The following TMEM63B variants were observed in gnomAD, a reference collection of about 807,000 sequenced individuals.
TMEM63B encodes the protein mechanosensitive cation channel TMEM63B.
A neutral mutation model predicts 102.6 loss-of-function variants in TMEM63B; 23 were observed. That is an observed-to-expected ratio of 0.22 (90% CI 0.16 to 0.32). TMEM63B has a LOEUF of 0.32. TMEM63B is among the 10% of genes least tolerant of loss of function. The probability of loss-of-function intolerance (pLI) is 1.00; values close to 1 mark genes in which losing one functional copy is unlikely to be tolerated. For missense variants in TMEM63B, 628 were observed against 1,095.9 expected (o/e 0.57, Z 6.03); for synonymous variants, 444 against 437.0 (o/e 1.02, Z -0.20).
intron 1 of TMEM63B, among the ~76,000 whole-genome samples, chr6:44,130,748 GC>G (rs1430372097): frequency 1.0e-5 from 1 of 95,764 alleles, no homozygotes; most frequent in Admixed American, 1.2e-4. Context: ...ACCATGCCTG[GC>G]TTTTTTTTTT....
At position 44,150,639 on chromosome 6, in the gene TMEM63B, T is replaced by TG; in HGVS notation, c.1673+14dup. 5.6e-6 allele frequency: 9 copies of TG among 1,613,896 alleles called. No homozygotes were observed. The highest frequency in any genetic ancestry group is 6.8e-6 in the Non-Finnish European group (8 of 1,179,862). ...CAGCTATTCGGTTTGAGTGAGTGAC[T>TG]GGGGCCCCTAGGGAAAGAGACCAGA... is the stretch of plus-strand genomic sequence containing the variant. On this transcript the variant is annotated intron_variant, in intron 18 of 23. Coordinates refer to ENST00000323267, the MANE Select transcript of TMEM63B (RefSeq NM_018426.3). This position sits in a 1 kb window ranked among gnomAD's most constrained non-coding sequence, Gnocchi z 4.7.
In TMEM63B at chr6:44,154,046, A is replaced by G. The variant is rs768747189; in HGVS notation, c.2111-27A>G. The G allele has an allele frequency of 3.1e-6, 5 of 1,606,418 alleles. No homozygotes were observed. The African/African-American group carries it at 5.4e-5, about 17-fold the overall frequency. ...GTGGGGAGGCCCACAGGAGATAGCA[A>G]CCCCATTCTTTGCCCCCCAACACCA... is the stretch of plus-strand genomic sequence containing the variant. On this transcript the variant is annotated intron_variant, in intron 21 of 23. Coordinates refer to ENST00000323267, the MANE Select transcript of TMEM63B (RefSeq NM_018426.3).
At chr6:44,133,904 G>C (rs1351439363) in intron 1 of TMEM63B, among the ~76,000 whole-genome samples, 1 of 152,236 alleles carries the variant, frequency 6.6e-6, no homozygotes, top group Non-Finnish European at 1.5e-5. Flanking sequence ...ACTATGGTAT[G>C]GGGAAGAGAA....
At chr6:44,138,344 T>G in intron 5 of TMEM63B, 136 bp from the exon 6 acceptor site, 1 of 1,084,944 alleles carries the variant, frequency 9.2e-7, no homozygotes, top group Non-Finnish European at 1.4e-6. Context: ...GTTCTGAGGG[T>G]ATAAGGATTT....
chr6:44,139,653 T>TGGAGG, intron 7 of TMEM63B, 44 bp downstream of exon 7: 1 of 1,614,128 alleles, frequency 6.2e-7, no homozygotes, highest in East Asian at 2.2e-5. Flanking sequence ...AGGATGGGGC[T>TGGAGG]GGAGGGGATG....
intron 6 of TMEM63B, chr6:44,139,056 C>G (rs971016013): frequency 3.8e-6 from 1 of 265,030 alleles, no homozygotes; most frequent in African/African-American, 2.2e-5. Context: ...ACTTCTGCCT[C>G]TTTCACCACT....
chr6:44,151,048 TA>T (rs1437585953), intron 18 of TMEM63B, among the ~76,000 whole-genome samples: 1 of 152,086 alleles, frequency 6.6e-6, no homozygotes. Flanking sequence ...TGGAGGCTAC[TA>T]GGGGTATCCC....
intron 10 of TMEM63B, among the ~76,000 whole-genome samples, chr6:44,142,196 C>G (rs989538150): frequency 2.6e-5 from 4 of 151,208 alleles, no homozygotes; most frequent in African/African-American, 9.7e-5. Context: ...TTTGGGAGGC[C>G]CAAGATGGGA....
intron 10 of TMEM63B, among the ~76,000 whole-genome samples, chr6:44,143,437 A>T (rs1234020829): frequency 6.6e-6 from 1 of 152,126 alleles, no homozygotes; most frequent in Admixed American, 6.5e-5. Flanking sequence ...GATTAAGGAC[A>T]GTGTGTACTC....
At position 44,150,408 on chromosome 6, in the gene TMEM63B, G is replaced by T; in HGVS notation, c.1607+98G>T. 1 of 1,468,794 alleles carries T rather than the reference G, an allele frequency of 6.8e-7. No individual in the cohort carries two copies. Among genetic ancestry groups the T allele is most frequent in the African/African-American group, 1.4e-5 (1 of 71,888 alleles). 91.0% of individuals were successfully genotyped at this position (1,468,794 alleles called of 1,614,324 possible). A position where few individuals can be genotyped will look rare whatever the true frequency, so the allele number is the denominator to read the frequency against. ...TCCCTACCTCCCCTACAAAGCAAGG[G>T]GCCCAAGATGGGAAGCCTGGCCACC... is the stretch of plus-strand genomic sequence containing the variant. On this transcript the variant is annotated intron_variant, in intron 17 of 23. Transcript: ENST00000323267. The surrounding 1 kb of genome is among the most constrained non-coding windows in gnomAD (Gnocchi z 4.7).
At chr6:44,137,260 C>T (rs943408544) in intron 5 of TMEM63B, among the ~76,000 whole-genome samples, 1 of 152,190 alleles carries the variant, frequency 6.6e-6, no homozygotes, top group Admixed American at 6.5e-5. Context: ...TCAGACCTAA[C>T]ACACAGGTGT....
intron 1 of TMEM63B, among the ~76,000 whole-genome samples, chr6:44,131,544 C>A (rs554307867): frequency 1.3e-5 from 2 of 152,130 alleles, no homozygotes; most frequent in East Asian, 3.9e-4. Flanking sequence ...CATGGTGAAA[C>A]CCTGTCTCTA....
intron 10 of TMEM63B, among the ~76,000 whole-genome samples, chr6:44,145,379 G>A (rs1765151165): frequency 6.8e-6 from 1 of 146,756 alleles, no homozygotes; most frequent in South Asian, 2.2e-4. Context: ...TCAGGAGTTC[G>A]AGACCAGCCT....
chr6:44,135,466 GCA>G, intron 4 of TMEM63B, 100 bp downstream of exon 4: 1 of 1,439,854 alleles, frequency 6.9e-7, no homozygotes, highest in Non-Finnish European at 9.4e-7. Flanking sequence ...GTTTCTTTTT[GCA>G]GTTTTCTCCT....
At position 44,147,486 on chromosome 6, in the gene TMEM63B, C is replaced by T. The variant is rs1239431378; in HGVS notation, c.973C>T (p.Arg325Ter). 6.2e-7 allele frequency: 1 copy of T among 1,614,104 alleles called. No individual in the cohort carries two copies. Among genetic ancestry groups the T allele is most frequent in the Non-Finnish European group, 8.5e-7 (1 of 1,180,002 alleles). The change falls in exon 12 of 24, where the codon CGA becomes TGA. Residue 325 changes from arginine to a stop codon, truncating the protein, a stop_gained. Coordinates refer to ENST00000323267, the MANE Select transcript of TMEM63B (RefSeq NM_018426.3). LOFTEE classifies it high-confidence loss of function. ...TGGCCACCTCTGCTGCTGTGTGGTG[C>T]GAGGCTGTGAGCAGGTATGACGCGG... ...PCGHLCCCVVRGCEQVEAIEY... is the reference protein window; with the variant it reads ...PCGHLCCCVV
intron 1 of TMEM63B, among the ~76,000 whole-genome samples, chr6:44,128,304 CCT>C (rs1777612223): frequency 6.6e-6 from 1 of 152,088 alleles, no homozygotes; most frequent in Admixed American, 6.5e-5. Flanking sequence ...GGGAGCGTGT[CCT>C]CTCCTTGCGC....
intron 3 of TMEM63B, 22 bp from the exon 4 acceptor site, chr6:44,135,306 C>G: frequency 1.9e-6 from 3 of 1,610,936 alleles, no homozygotes; most frequent in Non-Finnish European, 2.5e-6. Context: ...CCCTGCTAAC[C>G]CTGTCTGTTC....
chr6:44,128,040 C>G (rs1777543104), intron 1 of TMEM63B, among the ~76,000 whole-genome samples: 1 of 151,830 alleles, frequency 6.6e-6, no homozygotes, highest in African/African-American at 2.4e-5. Context: ...CCAGCTGCGC[C>G]CCGCCTGTCC....
chr6:44,152,133 A>G lies in TMEM63B; in HGVS notation c.1836+125A>G. 5 of 1,227,176 alleles carry G rather than the reference A, an allele frequency of 4.1e-6. No individual in the cohort carries two copies. Among genetic ancestry groups the G allele is most frequent in the Non-Finnish European group, 5.5e-6 (5 of 910,496 alleles). 76.0% of individuals were successfully genotyped at this position (1,227,176 alleles called of 1,614,324 possible). On this transcript the variant is annotated intron_variant, in intron 19 of 23. Coordinates refer to ENST00000323267, the MANE Select transcript of TMEM63B (RefSeq NM_018426.3). This position sits in a 1 kb window ranked among gnomAD's most constrained non-coding sequence, Gnocchi z 6.4. ...GAGACTTGGGGAGTACAGTTGACTC[A>G]CGGTGGATCCGGGCCATCCCCTTCC...
Sources: gnomAD v4.1 joint callset for allele counts (sites outside exome capture counted in the v4.1 genomes callset) on GRCh38, gnomAD v4.1.1 for gene constraint, Gnocchi (gnomAD v3.1) non-coding constraint, MANE v1.5 for transcripts, NCBI Gene and HGNC (gene_info 2026-07-23, HGNC 2026-07-21) for gene names.